WDFY4: variants seen among roughly 807,000 people sequenced by gnomAD.
WDFY4 encodes WDFY family member 4.
WDFY4 carries 169 observed loss-of-function variants against 351.9 expected under a neutral mutation model. The ratio of observed to expected loss-of-function variants is 0.48; its 90% CI spans 0.42 to 0.55. The LOEUF is 0.55. WDFY4 is among the 20% of genes least tolerant of loss of function. WDFY4 has a pLI of 0.00. For synonymous variants in WDFY4, 1,622 were observed against 1,574.6 expected, an observed-to-expected ratio of 1.03 and a Z score of -0.71; for missense variants, 3,803 against 3,935.6, an observed-to-expected ratio of 0.97 and a Z score of 0.90.
At chr10:48,703,666 A>G (rs2063542766) in intron 1 of WDFY4, among the ~76,000 whole-genome samples, 1 of 152,150 alleles carries the variant, frequency 6.6e-6, no homozygotes, top group Admixed American at 6.5e-5. Context: ...GCTAGATCAC[A>G]TCTCACATTC....
At chr10:48,736,192 T>A (rs1302311644) in intron 11 of WDFY4, 122 bp downstream of exon 11, 2 of 1,132,374 alleles carry the variant, frequency 1.8e-6, no homozygotes, top group Middle Eastern at 1.9e-4. Flanking sequence ...GGCAGTACCC[T>A]GTATTAGGTA....
rs1276451885 is a variant in WDFY4 at position 48,803,329 on chromosome 10, C to T, written c.4454C>T (p.Ser1485Phe). The T allele has an allele frequency of 6.4e-7, 1 of 1,551,912 alleles. No homozygotes were observed. The highest frequency in any genetic ancestry group is 2.4e-5 in the East Asian group (1 of 40,922). Residue 1485 changes from serine to phenylalanine, a missense_variant, in exon 25 of 62, where the codon TCC becomes TTC. This residue lies in a region of WDFY4 where 3,054 missense variants were observed against 3,148.6 expected (regional missense o/e 0.97). Transcript: ENST00000325239. ...GACAATCTGGAGCTCAGCCTCTTTT[C>T]CCATCTTTTGGAAATCCTTCAATCA... Reference protein sequence around the residue: ...TADNLELSLFSHLLEILQSPR... With the variant: ...TADNLELSLFFHLLEILQSPR...
intron 12 of WDFY4, among the ~76,000 whole-genome samples, chr10:48,750,675 T>C (rs2065156586): frequency 6.6e-6 from 1 of 152,260 alleles, no homozygotes; most frequent in Non-Finnish European, 1.5e-5. Context: ...TGGTTTGTGT[T>C]TGCACACTTG....
intron 12 of WDFY4, among the ~76,000 whole-genome samples, chr10:48,748,553 T>G (rs2065081458): frequency 6.6e-6 from 1 of 152,236 alleles, no homozygotes; most frequent in Admixed American, 6.5e-5. Flanking sequence ...GCCTGCAGTT[T>G]GAAGATTGGG....
chr10:48,820,510 T>A (rs1352546306), intron 33 of WDFY4, 73 bp downstream of exon 33: 5 of 1,491,322 alleles, frequency 3.4e-6, no homozygotes, highest in African/African-American at 1.4e-5. Flanking sequence ...AAGGGCAGGA[T>A]GCACCCAGGG....
intron 48 of WDFY4, among the ~76,000 whole-genome samples, 195 bp from the exon 49 acceptor site, chr10:48,943,135 G>A (rs1418440117): frequency 6.6e-6 from 1 of 151,400 alleles, no homozygotes; most frequent in African/African-American, 2.4e-5. Context: ...TTTGCTTCCC[G>A]AATATACTTG....
At chr10:48,929,567 G>T (rs1839864920) in intron 47 of WDFY4, among the ~76,000 whole-genome samples, 1 of 152,162 alleles carries the variant, frequency 6.6e-6, no homozygotes, top group Non-Finnish European at 1.5e-5. Context: ...TATTGTGCTG[G>T]TCTACACTCA....
intron 11 of WDFY4, chr10:48,736,286 A>G (rs2064664568): frequency 1.6e-6 from 1 of 623,164 alleles, no homozygotes; most frequent in Non-Finnish European, 2.9e-6. Flanking sequence ...AGTCCAGTCA[A>G]TGATTGGTGA....
intron 55 of WDFY4, 151 bp downstream of exon 55, chr10:48,966,824 G>A: frequency 2.7e-6 from 3 of 1,102,884 alleles, no homozygotes; most frequent in Middle Eastern, 3.0e-4. Flanking sequence ...CCAGATTCTA[G>A]GGGGGTGTCA....
At chr10:48,711,734 T>C (rs766585125) in intron 2 of WDFY4, among the ~76,000 whole-genome samples, 3 of 152,150 alleles carry the variant, frequency 2.0e-5, no homozygotes, top group South Asian at 2.1e-4. Context: ...TCATGGTGAG[T>C]GTGGCCCAGA....
At chr10:48,761,780 C>T (rs2065514311) in intron 13 of WDFY4, among the ~76,000 whole-genome samples, 1 of 152,228 alleles carries the variant, frequency 6.6e-6, no homozygotes, top group African/African-American at 2.4e-5. Context: ...TTAGGTTTAT[C>T]AGCAGCCAAG....
intron 38 of WDFY4, 129 bp from the exon 39 acceptor site, chr10:48,832,444 T>G: frequency 9.0e-7 from 1 of 1,105,918 alleles, no homozygotes; most frequent in Non-Finnish European, 1.2e-6. Context: ...GTAGCCTGGG[T>G]TGTTTCTCTT....
intron 2 of WDFY4, 87 bp from the exon 3 acceptor site, chr10:48,719,924 G>T: frequency 8.2e-7 from 1 of 1,214,426 alleles, no homozygotes. Context: ...CTGTCAGCTT[G>T]GGCTGGTGAA....
rs2132315845 is a variant in WDFY4 at position 48,727,632 on chromosome 10, A to T, written c.944A>T (p.Tyr315Phe). ...LFLEFENSEG[Y>F]PLLLKVLLRY... The stretch of plus-strand genomic sequence containing the variant: ...CTGGAGTTTGAGAATTCAGAGGGCT[A>T]TCCTCTGCTGCTCAAAGTGTTACTT... Residue 315 changes from tyrosine (Y) to phenylalanine (F), a missense_variant, in exon 7 of 62, where the codon TAT becomes TTT. Tyr to Phe is a conservative substitution (Grantham distance 22). Transcript: ENST00000325239. 6.4e-7 allele frequency: 1 copy of T among 1,552,026 alleles called. No individual in the cohort carries two copies. The highest frequency in any genetic ancestry group is 2.4e-5 in the East Asian group (1 of 40,918).
chr10:48,939,839 A>G (rs1840659663), intron 47 of WDFY4, among the ~76,000 whole-genome samples: 1 of 152,224 alleles, frequency 6.6e-6, no homozygotes, highest in African/African-American at 2.4e-5. Flanking sequence ...AGCCAATGAA[A>G]TGAGGAGGGG....
intron 11 of WDFY4, among the ~76,000 whole-genome samples, chr10:48,739,597 C>T (rs17836423): frequency 0.084 from 12,810 of 152,206 alleles, 866 homozygotes; most frequent in East Asian, 0.35. Flanking sequence ...ATTTTGGACT[C>T]TTTACTTTAT....
intron 51 of WDFY4, among the ~76,000 whole-genome samples, chr10:48,951,331 A>G (rs540730769): frequency 6.6e-6 from 1 of 152,028 alleles, no homozygotes; most frequent in South Asian, 2.1e-4. Context: ...TGTTTTCCCC[A>G]CTTTCTTGGA....
rs1242482800 is a variant in WDFY4, at chr10:48,946,857, C to T, written c.7868-3C>T. On this transcript the variant is annotated splice_polypyrimidine_tract_variant and splice_region_variant and intron_variant, in intron 50 of 61. Coordinates refer to ENST00000325239, the MANE Select transcript of WDFY4 (RefSeq NM_001394531.1). ...AGCCCTCAAGCATGTGTTTTTGTTGCAGGAGACATGACTGTCCAGTGCCAC... is the reference window on the plus strand; with the variant it reads ...AGCCCTCAAGCATGTGTTTTTGTTGTAGGAGACATGACTGTCCAGTGCCAC... The T allele has an allele frequency of 6.4e-7, 1 of 1,551,220 alleles. No individual in the cohort carries two copies. Among genetic ancestry groups the T allele is most frequent in the Non-Finnish European group, 8.7e-7 (1 of 1,146,436 alleles).
chr10:48,800,958 C>T (rs1470714831), intron 24 of WDFY4, among the ~76,000 whole-genome samples: 1 of 152,018 alleles, frequency 6.6e-6, no homozygotes, highest in Non-Finnish European at 1.5e-5. Flanking sequence ...GTCTTGAACT[C>T]CTGACCTCAG....
Sources: allele counts gnomAD v4.1 joint callset (sites outside exome capture counted in the v4.1 genomes callset), GRCh38; gene constraint gnomAD v4.1.1; regional missense constraint gnomAD v4.1.1; transcripts MANE v1.5; gene names NCBI Gene and HGNC (gene_info 2026-07-23, HGNC 2026-07-21).